The following SOX5 variants were observed in gnomAD, a reference collection of about 807,000 sequenced individuals.
The protein encoded by SOX5 is transcription factor SOX-5.
Under a neutral mutation model 92.0 loss-of-function variants are expected in SOX5, and 9 were observed. The observed-to-expected ratio is 0.10, with a 90% CI of 0.06 to 0.17. The LOEUF (loss-of-function observed/expected upper bound fraction) is 0.17, where lower values mean the gene tolerates loss of function less well. Ranked by LOEUF, SOX5 falls within the 10% of genes least tolerant of loss-of-function variation. The pLI, the probability that SOX5 is intolerant of heterozygous loss-of-function variation, is 1.00. For missense variants in SOX5, 642 were observed against 944.5 expected, an observed-to-expected ratio of 0.68 and a Z score of 4.20; for synonymous variants, 344 against 336.3, an observed-to-expected ratio of 1.02 and a Z score of -0.25.
At chr12:24,126,873 A>AT in intron 4 of SOX5, among the ~76,000 whole-genome samples, 1 of 152,096 alleles carries the variant, frequency 6.6e-6, no homozygotes, top group African/African-American at 2.4e-5. Flanking sequence ...ATGTCTCCCT[A>AT]TATGGAACTC....
intron 1 of SOX5, among the ~76,000 whole-genome samples, chr12:24,481,308 G>T (rs187821155): frequency 6.6e-5 from 10 of 152,038 alleles, no homozygotes; most frequent in Non-Finnish European, 1.5e-4. Context: ...TGGTTAATGG[G>T]TACAAGGAAA....
intron 4 of SOX5, among the ~76,000 whole-genome samples, chr12:24,144,748 G>C (rs750758009): frequency 3.3e-5 from 5 of 152,062 alleles, no homozygotes; most frequent in African/African-American, 4.8e-5. Flanking sequence ...AGGATTGCTC[G>C]GGCCCAGGAG....
At chr12:23,957,653 T>G (rs1189898204) in intron 4 of SOX5, among the ~76,000 whole-genome samples, 4 of 152,212 alleles carry the variant, frequency 2.6e-5, no homozygotes, top group African/African-American at 9.6e-5. Context: ...TCTGAAGAGC[T>G]GCTTCCATAT....
chr12:23,923,102 C>G (rs1378131552), intron 1 of SOX5, among the ~76,000 whole-genome samples: 1 of 152,124 alleles, frequency 6.6e-6, no homozygotes, highest in East Asian at 1.9e-4. Flanking sequence ...CCCGCCACAA[C>G]GCCCGGCTAA....
intron 4 of SOX5, among the ~76,000 whole-genome samples, chr12:24,074,318 C>T (rs1592907959): frequency 6.6e-6 from 1 of 151,804 alleles, no homozygotes; most frequent in South Asian, 2.1e-4. Flanking sequence ...CGAATCAAAC[C>T]TGTATACTCA....
intron 7 of SOX5, among the ~76,000 whole-genome samples, chr12:23,653,828 C>G (rs1378690194): frequency 6.6e-6 from 1 of 152,062 alleles, no homozygotes; most frequent in Non-Finnish European, 1.5e-5. Context: ...CAGACCATAG[C>G]AATCCCATTC....
chr12:23,768,075 G>T (rs2094799413), intron 3 of SOX5, among the ~76,000 whole-genome samples: 1 of 152,082 alleles, frequency 6.6e-6, no homozygotes, highest in Admixed American at 6.6e-5. Flanking sequence ...CCATTTAAAA[G>T]AATGACATTT....
At chr12:23,604,246 AC>A in intron 9 of SOX5, 140 bp downstream of exon 9, 1 of 723,168 alleles carries the variant, frequency 1.4e-6, no homozygotes, top group Non-Finnish European at 2.4e-6. Context: ...TGACATGCAC[AC>A]CTGTTGCCCT....
chr12:24,064,927 G>A (rs1017321419), intron 4 of SOX5, among the ~76,000 whole-genome samples: 6 of 152,194 alleles, frequency 3.9e-5, no homozygotes, highest in African/African-American at 1.4e-4. Flanking sequence ...ATCAGCCAAA[G>A]AAAGTTTATA....
At position 23,531,387 on chromosome 12, in the gene SOX5, T is replaced by G. The variant is rs1026105076; in HGVS notation, c.*2832A>C. ...AAAAAGACCAAACACCAAAGTGTTGTCAATTCATCGGTAAGTGTGTTAGAA... is the reference window on the plus strand; with the variant it reads ...AAAAAGACCAAACACCAAAGTGTTGGCAATTCATCGGTAAGTGTGTTAGAA... On this transcript the variant is annotated 3_prime_UTR_variant, in exon 15 of 15. Coordinates refer to ENST00000451604, the MANE Select transcript of SOX5 (RefSeq NM_006940.6). The G allele has an allele frequency of 1.3e-5, 2 of 152,204 alleles. No homozygotes were observed. The highest frequency in any genetic ancestry group is 4.1e-4 in the South Asian group (2 of 4,830). The allele number at this position is 152,204 out of a possible 1,614,324, so 9.4% of individuals were successfully genotyped here. A position where few individuals can be genotyped will look rare whatever the true frequency, so the allele number is the denominator to read the frequency against.
chr12:24,176,899 T>C (rs148811133), intron 4 of SOX5, among the ~76,000 whole-genome samples: 1 of 152,220 alleles, frequency 6.6e-6, no homozygotes, highest in East Asian at 1.9e-4. Context: ...TGTCCACCAA[T>C]AGACCAAAGC....
intron 1 of SOX5, among the ~76,000 whole-genome samples, chr12:23,930,307 C>T (rs1447601523): frequency 1.3e-5 from 2 of 151,630 alleles, no homozygotes; most frequent in Admixed American, 6.6e-5. Flanking sequence ...ATTTTTTGCT[C>T]TCACAAAATG....
At chr12:23,674,444 T>G (rs2085331013) in intron 6 of SOX5, among the ~76,000 whole-genome samples, 1 of 146,904 alleles carries the variant, frequency 6.8e-6, no homozygotes, top group Admixed American at 7.1e-5. Flanking sequence ...TTCAAGCAAT[T>G]CTCCTTCCTC....
At chr12:24,116,331 C>A (rs1225987640) in intron 4 of SOX5, among the ~76,000 whole-genome samples, 2 of 152,018 alleles carry the variant, frequency 1.3e-5, no homozygotes, top group Admixed American at 6.6e-5. Context: ...ATCAATTATA[C>A]TGAAACACAA....
chr12:24,130,167 A>G (rs963755683), intron 4 of SOX5, among the ~76,000 whole-genome samples: 4 of 152,208 alleles, frequency 2.6e-5, no homozygotes, highest in African/African-American at 9.6e-5. Context: ...TGGAAGGTAG[A>G]CATGAAATAG....
chr12:23,628,891 G>A (rs538538974), intron 8 of SOX5, among the ~76,000 whole-genome samples: 13 of 151,766 alleles, frequency 8.6e-5, no homozygotes, highest in Admixed American at 2.6e-4. Context: ...AACCCAGCTC[G>A]AAATTGTCAT....
At chr12:24,319,725 C>T (rs932870213) in intron 2 of SOX5, among the ~76,000 whole-genome samples, 3 of 152,128 alleles carry the variant, frequency 2.0e-5, no homozygotes, top group South Asian at 2.1e-4. Flanking sequence ...CTCTATGGTA[C>T]GGTGTGCAAG....
intron 1 of SOX5, among the ~76,000 whole-genome samples, chr12:24,537,204 G>A (rs1260394236): frequency 1.3e-5 from 2 of 152,302 alleles, no homozygotes; most frequent in African/African-American, 4.8e-5. Context: ...ATAGGTTGAT[G>A]ATGAAAAGTA....
chr12:24,449,344 C>T (rs1313103772), intron 1 of SOX5, among the ~76,000 whole-genome samples: 1 of 152,178 alleles, frequency 6.6e-6, no homozygotes, highest in Non-Finnish European at 1.5e-5. Flanking sequence ...CTCTGTTCCT[C>T]CATAACCTCA....
Sources: allele counts gnomAD v4.1 joint callset (sites outside exome capture counted in the v4.1 genomes callset), GRCh38; gene constraint gnomAD v4.1.1; transcripts MANE v1.5; gene names NCBI Gene and HGNC (gene_info 2026-07-23, HGNC 2026-07-21).